Variants in TRIT1 observed in about 807,000 individuals in gnomAD.
TRIT1 encodes tRNA dimethylallyltransferase.
In TRIT1, 43 loss-of-function variants were observed where a neutral mutation model predicts 51.2. That is an observed-to-expected ratio of 0.84 (90% CI 0.66 to 1.08). The LOEUF (loss-of-function observed/expected upper bound fraction) is 1.08, where lower values mean the gene tolerates loss of function less well. TRIT1 is among the 50% of genes least tolerant of loss of function. The pLI is 0.00. For missense variants in TRIT1, 528 were observed against 578.4 expected (o/e 0.91, Z 0.89); for synonymous variants, 184 against 203.9 (o/e 0.90, Z 0.83).
At chr1:39,869,173 C>G (rs911227403) in intron 1 of TRIT1, among the ~76,000 whole-genome samples, 1 of 151,948 alleles carries the variant, frequency 6.6e-6, no homozygotes, top group Non-Finnish European at 1.5e-5. Context: ...GACTGTAGTG[C>G]CGCCATCTCG....
At position 39,847,677 on chromosome 1, in the gene TRIT1, A is replaced by T; in HGVS notation, c.816-17T>A. 1 of 1,614,172 alleles carries T rather than the reference A, an allele frequency of 6.2e-7. No individual in the cohort carries two copies. The highest frequency in any genetic ancestry group is 8.5e-7 in the Non-Finnish European group (1 of 1,180,020). On this transcript the variant is annotated splice_polypyrimidine_tract_variant and intron_variant, in intron 6 of 10. Coordinates refer to ENST00000316891, the MANE Select transcript of TRIT1 (RefSeq NM_017646.6). Reference sequence around the variant, plus strand: ...TAGTCCTGGCTGGGAACAGGAGGGTATCAGCAGATAAGCCATTGCTCCTAA... The same window carrying T: ...TAGTCCTGGCTGGGAACAGGAGGGTTTCAGCAGATAAGCCATTGCTCCTAA...
chr1:39,864,584 C>T (rs944533458), intron 1 of TRIT1, among the ~76,000 whole-genome samples: 1 of 128,958 alleles, frequency 7.8e-6, no homozygotes, highest in Non-Finnish European at 1.6e-5. Context: ...ACTGACAGAG[C>T]GAGACTCTGT....
intron 10 of TRIT1, among the ~76,000 whole-genome samples, chr1:39,843,305 C>T (rs1014841188): frequency 1.2e-4 from 18 of 152,214 alleles, no homozygotes; most frequent in Non-Finnish European, 7.4e-5. Context: ...ACGACAAGCC[C>T]CACTGTGCCT....
intron 1 of TRIT1, among the ~76,000 whole-genome samples, chr1:39,873,279 GT>G (rs1340945731): frequency 1.3e-5 from 2 of 152,206 alleles, no homozygotes; most frequent in Admixed American, 6.5e-5. Context: ...CTAATACTAT[GT>G]TGATATCATA....
intron 4 of TRIT1, among the ~76,000 whole-genome samples, chr1:39,852,286 T>C (rs1466835805): frequency 6.6e-6 from 1 of 152,150 alleles, no homozygotes; most frequent in African/African-American, 2.4e-5. Flanking sequence ...ACCAGATAGT[T>C]TCCATGTGCA....
At chr1:39,872,587 TAGTC>T (rs1207487472) in intron 1 of TRIT1, among the ~76,000 whole-genome samples, 3 of 152,128 alleles carry the variant, frequency 2.0e-5, no homozygotes, top group African/African-American at 4.8e-5. Context: ...GGTGCTGGAT[TAGTC>T]AGAGATACCA....
intron 1 of TRIT1, among the ~76,000 whole-genome samples, chr1:39,880,314 G>C (rs1227228968): frequency 7.0e-6 from 1 of 142,770 alleles, no homozygotes; most frequent in Non-Finnish European, 1.5e-5. Context: ...TAAACATTTG[G>C]TAAACAATGC....
At chr1:39,851,754 G>C (rs1642586672) in intron 4 of TRIT1, among the ~76,000 whole-genome samples, 1 of 151,726 alleles carries the variant, frequency 6.6e-6, no homozygotes, top group Non-Finnish European at 1.5e-5. Context: ...ACCAGCCTGG[G>C]CAACACAGCA....
chr1:39,856,823 T>C (rs370182977), intron 2 of TRIT1, among the ~76,000 whole-genome samples: 1 of 152,152 alleles, frequency 6.6e-6, no homozygotes, highest in East Asian at 1.9e-4. Flanking sequence ...ATTTAAAGGA[T>C]AGAAAACCGA....
intron 5 of TRIT1, among the ~76,000 whole-genome samples, 184 bp downstream of exon 5, chr1:39,849,935 C>G (rs139231838): frequency 6.6e-6 from 1 of 152,304 alleles, no homozygotes; most frequent in East Asian, 1.9e-4. Flanking sequence ...CCTTTCCAAA[C>G]AGATATCTAG....
At position 39,865,119 on chromosome 1, in the gene TRIT1, A is replaced by T. The variant is rs1333877852; in HGVS notation, c.175-7702T>A. 5.9e-5 allele frequency among the ~76,000 whole-genome samples: 9 copies of T among 152,168 alleles called. No homozygotes were observed. The South Asian group carries it at 1.9e-3, about 32-fold the overall frequency. ...ATGAACACTGACTGCCAAATATAAC[A>T]CTTTTCTACTAAGCTCTCAAAGCAA... On this transcript the variant is annotated intron_variant, in intron 1 of 10. Transcript: ENST00000316891.
At chr1:39,861,145 T>C (rs924805933) in intron 1 of TRIT1, among the ~76,000 whole-genome samples, 1 of 152,074 alleles carries the variant, frequency 6.6e-6, no homozygotes, top group African/African-American at 2.4e-5. Flanking sequence ...AAACAGATAA[T>C]AGCAAATGTT....
At chr1:39,848,162 C>A in intron 5 of TRIT1, 65 bp from the exon 6 acceptor site, 1 of 1,189,774 alleles carries the variant, frequency 8.4e-7, no homozygotes, top group Non-Finnish European at 1.2e-6. Flanking sequence ...ACTTACATGA[C>A]GAGTGAACAG....
intron 2 of TRIT1, among the ~76,000 whole-genome samples, chr1:39,854,664 C>T (rs1642789104): frequency 6.6e-6 from 1 of 152,208 alleles, no homozygotes; most frequent in African/African-American, 2.4e-5. Context: ...CTGTAAAAAT[C>T]CCCATGAGCC....
At chr1:39,877,740 G>A (rs978659570) in intron 1 of TRIT1, among the ~76,000 whole-genome samples, 8 of 152,054 alleles carry the variant, frequency 5.3e-5, no homozygotes, top group Non-Finnish European at 7.4e-5. Context: ...GAAGACCTTC[G>A]GTATCATCTT....
chr1:39,864,360 A>G (rs1643412553), intron 1 of TRIT1, among the ~76,000 whole-genome samples: 1 of 151,812 alleles, frequency 6.6e-6, no homozygotes, highest in Admixed American at 6.6e-5. Flanking sequence ...CTGTAATCCC[A>G]GCACTTTGGG....
intron 1 of TRIT1, among the ~76,000 whole-genome samples, chr1:39,880,268 T>TAAA (rs1553148795): frequency 9.6e-3 from 908 of 94,294 alleles, no homozygotes; most frequent in Non-Finnish European, 0.014. Flanking sequence ...AGACCTCAAA[T>TAAA]AAAAAAAAAA....
chr1:39,870,963 G>A (rs1217940069), intron 1 of TRIT1, among the ~76,000 whole-genome samples: 1 of 152,226 alleles, frequency 6.6e-6, no homozygotes, highest in Non-Finnish European at 1.5e-5. Context: ...GGAGGCTGAG[G>A]AGGGCGGATC....
chr1:39,864,789 A>G (rs975980425), intron 1 of TRIT1, among the ~76,000 whole-genome samples: 4 of 152,044 alleles, frequency 2.6e-5, no homozygotes, highest in African/African-American at 9.7e-5. Flanking sequence ...GAGTGTGCTA[A>G]TCAGCAGCAG....
Sources: allele counts gnomAD v4.1 joint callset (sites outside exome capture counted in the v4.1 genomes callset), GRCh38; gene constraint gnomAD v4.1.1; transcripts MANE v1.5; gene names NCBI Gene and HGNC (gene_info 2026-07-23, HGNC 2026-07-21).